NHSL1: variants seen among roughly 807,000 people sequenced by gnomAD.
The protein encoded by NHSL1 is NHS like 1.
Under a neutral mutation model 95.0 loss-of-function variants are expected in NHSL1, and 48 were observed. The ratio of observed to expected loss-of-function variants is 0.51; its 90% CI spans 0.40 to 0.64. The LOEUF is 0.64. NHSL1 is among the 30% of genes least tolerant of loss of function. NHSL1 has a pLI of 0.00. For missense variants in NHSL1, 1,971 were observed against 2,077.7 expected, an observed-to-expected ratio of 0.95 and a Z score of 1.00; for synonymous variants, 783 against 833.9, an observed-to-expected ratio of 0.94 and a Z score of 1.05.
At chr6:138,531,561 C>T (rs1004247466) in intron 1 of NHSL1, among the ~76,000 whole-genome samples, 4 of 151,720 alleles carry the variant, frequency 2.6e-5, no homozygotes, top group Non-Finnish European at 4.4e-5. Flanking sequence ...CTCTGTTGCC[C>T]AGGCTGGAGT....
At chr6:138,441,911 C>A in intron 5 of NHSL1, 72 bp downstream of exon 5, 1 of 1,364,500 alleles carries the variant, frequency 7.3e-7, no homozygotes, top group Admixed American at 3.1e-5. Context: ...TTATAAGCAC[C>A]ATGAATGAGG....
rs1261217612 is a variant in NHSL1 at position 138,433,022 on chromosome 6, A to G, written c.1323T>C (p.Ser441=). The G allele has an allele frequency of 1.3e-6, 2 of 1,551,660 alleles. No homozygotes were observed. The highest frequency in any genetic ancestry group is 1.7e-4 in the Middle Eastern group (1 of 5,992). ...ATTTTATCCTTGCATGTGATGAGCC[A>G]GAACTTTTACTTTCCCGCTGTCCCG... ...QSAGQRESKS[S]GSSHARIKSR... Residue 441 remains serine (S), a synonymous_variant, in exon 6 of 8, where the codon TCT becomes TCC. Transcript: ENST00000343505.
At chr6:138,547,571 G>A (rs1782849960), upstream of NHSL1, among the ~76,000 whole-genome samples, 1 of 152,186 alleles carries the variant, frequency 6.6e-6, no homozygotes, top group Admixed American at 6.5e-5. Context: ...TTTTAGCAGA[G>A]ACAGGGTTTC....
intron 1 of NHSL1, among the ~76,000 whole-genome samples, chr6:138,636,975 CA>C (rs1784897054): frequency 6.6e-6 from 1 of 152,020 alleles, no homozygotes; most frequent in African/African-American, 2.4e-5. Flanking sequence ...GCAAAAAGAG[CA>C]AAACTAGAGG....
At chr6:138,595,958 T>G (rs1027938846) in intron 1 of NHSL1, among the ~76,000 whole-genome samples, 3 of 152,016 alleles carry the variant, frequency 2.0e-5, no homozygotes, top group Non-Finnish European at 4.4e-5. Context: ...CTGGGTCTCT[T>G]CCTCTCCAAC....
At position 138,424,443 on chromosome 6, in the gene NHSL1, G is replaced by T; in HGVS notation, c.4459C>A (p.Pro1487Thr). ...EEWAKNEGLM[P>T]RSLSFSGPRY... Reference sequence around the variant, plus strand: ...GGGCCGGAAAAGGACAGACTCCGAGGCATCAAGCCTTCGTTCTTGGCCCAC... The same window carrying T: ...GGGCCGGAAAAGGACAGACTCCGAGTCATCAAGCCTTCGTTCTTGGCCCAC... Residue 1487 changes from proline (P) to threonine (T), a missense_variant, in exon 8 of 8, where the codon CCT becomes ACT. Coordinates refer to ENST00000343505, the MANE Select transcript of NHSL1 (RefSeq NM_001144060.2). This position sits in a 1 kb window ranked among gnomAD's most constrained non-coding sequence, Gnocchi z 5.9. The T allele has an allele frequency of 6.4e-7, 1 of 1,550,670 alleles. No individual in the cohort carries two copies. Among genetic ancestry groups the T allele is most frequent in the Non-Finnish European group, 8.7e-7 (1 of 1,146,244 alleles).
In NHSL1 at chr6:138,510,281, GC is replaced by G. The variant is rs377363532; in HGVS notation, c.17-13911del. Among the ~76,000 whole-genome samples, 572 of 152,278 alleles carry G rather than the reference GC, an allele frequency of 3.8e-3. 2 individuals carry two copies. In the Middle Eastern group the frequency reaches 0.041, roughly 11 times the overall value. On this transcript the variant is annotated intron_variant, in intron 1 of 4. Transcript: ENST00000342260. ...AATTAATCGGCTGGTGTGCTCAACT[GC>G]TTTTGTTAAGAGGACAGCTGGTTCA... is the stretch of plus-strand genomic sequence containing the variant.
At chr6:138,668,417 T>C (rs1785322382) in intron 1 of NHSL1, among the ~76,000 whole-genome samples, 1 of 151,882 alleles carries the variant, frequency 6.6e-6, no homozygotes, top group South Asian at 2.1e-4. Flanking sequence ...CACTCCAACC[T>C]GGCCAACAAG....
At chr6:138,634,229 A>C (rs1367658826) in intron 1 of NHSL1, among the ~76,000 whole-genome samples, 1 of 151,992 alleles carries the variant, frequency 6.6e-6, no homozygotes, top group African/African-American at 2.4e-5. Flanking sequence ...TTTGAAATGT[A>C]AATGGACTAA....
intron 1 of NHSL1, among the ~76,000 whole-genome samples, chr6:138,513,626 G>A (rs1781329872): frequency 6.6e-6 from 1 of 152,200 alleles, no homozygotes; most frequent in South Asian, 2.1e-4. Context: ...AGAAGCAAGA[G>A]TTATCTTAGT....
At chr6:138,674,918 C>T (rs1013171247) in intron 1 of NHSL1, among the ~76,000 whole-genome samples, 13 of 151,964 alleles carry the variant, frequency 8.6e-5, no homozygotes, top group Non-Finnish European at 1.9e-4. Context: ...CAAGGTGGCA[C>T]GCATCTGTAG....
At position 138,445,243 on chromosome 6, in the gene NHSL1, T is replaced by C. The variant is rs11154977; in HGVS notation, c.532+1758A>G. On this transcript the variant is annotated intron_variant, in intron 4 of 7. Coordinates refer to ENST00000343505, the MANE Select transcript of NHSL1 (RefSeq NM_001144060.2). ...CATATTTCATTGCACAATCTTCTTA[T>C]CTTATAATATTATTTCATAGGCACT... is the stretch of plus-strand genomic sequence containing the variant. 1.2e-3 allele frequency among the ~76,000 whole-genome samples: 178 copies of C among 152,332 alleles called. 2 individuals are homozygous for C. In the East Asian group the frequency reaches 0.031, roughly 26 times the overall value.
intron 1 of NHSL1, among the ~76,000 whole-genome samples, chr6:138,564,431 C>T (rs1190385811): frequency 2.0e-5 from 3 of 152,056 alleles, no homozygotes; most frequent in Non-Finnish European, 2.9e-5. Context: ...TTTGGGAAGC[C>T]GAGGCAGGTG....
intron 1 of NHSL1, among the ~76,000 whole-genome samples, chr6:138,570,947 C>A (rs1046831391): frequency 6.6e-6 from 1 of 152,230 alleles, no homozygotes; most frequent in African/African-American, 2.4e-5. Context: ...TCCCTACACA[C>A]ACTAAGAGGA....
At chr6:138,687,540 A>G (rs918296734) in intron 1 of NHSL1, among the ~76,000 whole-genome samples, 13 of 152,246 alleles carry the variant, frequency 8.5e-5, no homozygotes, top group African/African-American at 3.1e-4. Flanking sequence ...CAAATGTACA[A>G]TGTTAAATAT....
intron 1 of NHSL1, among the ~76,000 whole-genome samples, chr6:138,684,211 CAA>C (rs34122069): frequency 0.01 from 1,323 of 129,822 alleles, 11 homozygotes; most frequent in South Asian, 0.015. Context: ...GACTCCCTCT[CAA>C]AAAAAAAAAA....
At chr6:138,682,348 T>C (rs969621802) in intron 1 of NHSL1, among the ~76,000 whole-genome samples, 2 of 152,198 alleles carry the variant, frequency 1.3e-5, no homozygotes, top group Admixed American at 1.3e-4. Context: ...AGATAAAATA[T>C]GCTGTAAACA....
intron 1 of NHSL1, among the ~76,000 whole-genome samples, chr6:138,497,826 T>C (rs985886356): frequency 2.0e-5 from 3 of 152,208 alleles, no homozygotes; most frequent in African/African-American, 7.2e-5. Flanking sequence ...CTTATGAATC[T>C]GAACAGGATA....
chr6:138,599,900 G>A (rs1458777937), intron 1 of NHSL1, among the ~76,000 whole-genome samples: 3 of 152,168 alleles, frequency 2.0e-5, no homozygotes, highest in Non-Finnish European at 4.4e-5. Context: ...CCAGCACTTT[G>A]AGAGGCCGAG....
Sources: gnomAD v4.1 joint callset for allele counts (sites outside exome capture counted in the v4.1 genomes callset) on GRCh38, gnomAD v4.1.1 for gene constraint, Gnocchi (gnomAD v3.1) non-coding constraint, MANE v1.5 for transcripts, NCBI Gene and HGNC (gene_info 2026-07-23, HGNC 2026-07-21) for gene names.